Variants in CXCL13 observed in about 807,000 individuals in gnomAD.
The protein encoded by CXCL13 is C-X-C motif chemokine ligand 13.
CXCL13 carries 7 observed loss-of-function variants against 12.2 expected under a neutral mutation model. The observed-to-expected ratio is 0.57, with a 90% confidence interval of 0.33 to 1.07. CXCL13 has a LOEUF of 1.07. Ranked by LOEUF, CXCL13 falls within the 50% of genes least tolerant of loss-of-function variation. CXCL13 has a pLI of 0.04. For missense variants in CXCL13, 113 were observed against 127.4 expected, an observed-to-expected ratio of 0.89 and a Z score of 0.55; for synonymous variants, 47 against 42.4, an observed-to-expected ratio of 1.11 and a Z score of -0.42.
At chr4:77,543,046 T>C (rs1291313909) in intron 1 of CXCL13, among the ~76,000 whole-genome samples, 1 of 152,120 alleles carries the variant, frequency 6.6e-6, no homozygotes, top group Non-Finnish European at 1.5e-5. Context: ...TGGAACTCAA[T>C]ATTAGTCTGT....
In CXCL13 at chr4:77,567,545, C is replaced by A. The variant is rs1054430303; in HGVS notation, c.-42-38279C>A. Reference sequence around the variant, plus strand: ...CAACTAAAGCAGCATGAGGTCAAGACAGGAGTTTGGCAGGCTTGGTTTTAC... The same window carrying A: ...CAACTAAAGCAGCATGAGGTCAAGAAAGGAGTTTGGCAGGCTTGGTTTTAC... On this transcript the variant is annotated intron_variant, in intron 1 of 4. Coordinates refer to the CXCL13 transcript ENST00000286758. Among the ~76,000 whole-genome samples, 21 of 152,296 alleles carry A rather than the reference C, an allele frequency of 1.4e-4. 1 individual carries two copies. Among genetic ancestry groups the A allele is most frequent in the Admixed American group, 1.3e-3 (20 of 15,298 alleles).
chr4:77,605,518 C>G (rs114063077), upstream of CXCL13, among the ~76,000 whole-genome samples: 902 of 152,252 alleles, frequency 5.9e-3, 13 homozygotes, highest in African/African-American at 0.019. Context: ...CTCAAAACCA[C>G]CATCACCAAT....
intron 1 of CXCL13, among the ~76,000 whole-genome samples, chr4:77,545,855 G>A (rs536798282): frequency 6.6e-6 from 1 of 152,124 alleles, no homozygotes; most frequent in African/African-American, 2.4e-5. Flanking sequence ...TCCAGTTTTT[G>A]TCCATTCAGT....
At chr4:77,564,602 C>T (rs1220458717) in intron 1 of CXCL13, among the ~76,000 whole-genome samples, 1 of 152,214 alleles carries the variant, frequency 6.6e-6, no homozygotes, top group Non-Finnish European at 1.5e-5. Context: ...CCCTTTAAGG[C>T]ATGTGCTATT....
chr4:77,512,938 C>A (rs1022621783), intron 1 of CXCL13, among the ~76,000 whole-genome samples: 2 of 152,082 alleles, frequency 1.3e-5, no homozygotes, highest in Non-Finnish European at 2.9e-5. Flanking sequence ...CTCCCCCAAC[C>A]CCACGACAGG....
At chr4:77,553,586 C>T (rs2109808413) in intron 1 of CXCL13, among the ~76,000 whole-genome samples, 1 of 152,312 alleles carries the variant, frequency 6.6e-6, no homozygotes, top group East Asian at 1.9e-4. Flanking sequence ...AGGCTCTCTG[C>T]CTCTCTTGTG....
intron 1 of CXCL13, among the ~76,000 whole-genome samples, chr4:77,582,070 A>G (rs1287632898): frequency 2.5e-5 from 2 of 79,632 alleles, no homozygotes. Flanking sequence ...AAATGGAAAG[A>G]AAAAAAACAT....
chr4:77,582,841 T>C (rs1230965264), intron 1 of CXCL13, among the ~76,000 whole-genome samples: 2 of 152,202 alleles, frequency 1.3e-5, no homozygotes, highest in Non-Finnish European at 2.9e-5. Flanking sequence ...TGGTGGTTGT[T>C]ACCAGATTCC....
intron 1 of CXCL13, among the ~76,000 whole-genome samples, chr4:77,523,893 TG>T (rs1724688502): frequency 6.6e-6 from 1 of 152,202 alleles, no homozygotes; most frequent in South Asian, 2.1e-4. Context: ...GATGGGGTTT[TG>T]GTGTAGATGT....
rs530051477 is a variant in CXCL13 at position 77,596,447 on chromosome 4, G to A, written c.-42-9377G>A. On this transcript the variant is annotated intron_variant, in intron 1 of 4. Coordinates refer to the CXCL13 transcript ENST00000286758. ...AAAATTAAAAATAGAACTATCATAC[G>A]CTCCAGCAATCCCTCTTCTGTGTAT... is the stretch of plus-strand genomic sequence containing the variant. Among the ~76,000 whole-genome samples, 14 of 152,240 alleles carry A rather than the reference G, an allele frequency of 9.2e-5. No homozygotes were observed. The South Asian group carries it at 1.9e-3, about 20-fold the overall frequency.
At chr4:77,565,087 G>A (rs1426106305) in intron 1 of CXCL13, among the ~76,000 whole-genome samples, 1 of 152,180 alleles carries the variant, frequency 6.6e-6, no homozygotes. Flanking sequence ...TAGCTCAACT[G>A]TCTTCCACAA....
At chr4:77,588,612 C>A (rs967204580) in intron 1 of CXCL13, among the ~76,000 whole-genome samples, 1 of 152,200 alleles carries the variant, frequency 6.6e-6, no homozygotes, top group Non-Finnish European at 1.5e-5. Context: ...TGGAGCTTCT[C>A]TCCACAACTA....
intron 1 of CXCL13, among the ~76,000 whole-genome samples, chr4:77,541,980 G>A (rs1725215730): frequency 6.6e-6 from 1 of 152,014 alleles, no homozygotes; most frequent in African/African-American, 2.4e-5. Flanking sequence ...ATTGTGAATG[G>A]GATTGTGTTC....
intron 1 of CXCL13, among the ~76,000 whole-genome samples, chr4:77,538,424 T>C (rs1039249570): frequency 2.7e-4 from 15 of 56,164 alleles, no homozygotes; most frequent in African/African-American, 1.1e-3. Flanking sequence ...ATGTCTTGTC[T>C]TTTTTTTTTT....
chr4:77,543,339 G>T (rs539601797), intron 1 of CXCL13, among the ~76,000 whole-genome samples: 1 of 152,024 alleles, frequency 6.6e-6, no homozygotes, highest in East Asian at 1.9e-4. Flanking sequence ...TCTTTGTATG[G>T]ATTTTTGGAT....
At chr4:77,563,064 T>C (rs1486586330) in intron 1 of CXCL13, among the ~76,000 whole-genome samples, 1 of 152,106 alleles carries the variant, frequency 6.6e-6, no homozygotes, top group Non-Finnish European at 1.5e-5. Context: ...TTATGAGCTG[T>C]AACACTCACC....
At chr4:77,550,282 AC>A (rs1415601160) in intron 1 of CXCL13, among the ~76,000 whole-genome samples, 1 of 152,042 alleles carries the variant, frequency 6.6e-6, no homozygotes, top group Non-Finnish European at 1.5e-5. Flanking sequence ...GAATTCCCCA[AC>A]CCCTTTTGCT....
chr4:77,570,576 C>A (rs1726045719), intron 1 of CXCL13, among the ~76,000 whole-genome samples: 1 of 152,232 alleles, frequency 6.6e-6, no homozygotes, highest in Non-Finnish European at 1.5e-5. Flanking sequence ...ACTTGAGGAG[C>A]CCTTCAGCCC....
intron 1 of CXCL13, among the ~76,000 whole-genome samples, chr4:77,606,707 C>T (rs1727010606): frequency 1.3e-5 from 2 of 152,182 alleles, no homozygotes; most frequent in African/African-American, 4.8e-5. Context: ...CTTCTGTTCT[C>T]AGCATGCATG....
Sources: gnomAD v4.1 joint callset for allele counts (sites outside exome capture counted in the v4.1 genomes callset) on GRCh38, gnomAD v4.1.1 for gene constraint, MANE v1.5 for transcripts, NCBI Gene and HGNC (gene_info 2026-07-23, HGNC 2026-07-21) for gene names.